PPP4R2: variants seen among roughly 807,000 people sequenced by gnomAD.
PPP4R2 encodes the protein protein phosphatase 4 regulatory subunit 2, also known as serine/threonine-protein phosphatase 4 regulatory subunit 2.
Under a neutral mutation model 47.2 loss-of-function variants are expected in PPP4R2, and 13 were observed. The ratio of observed to expected loss-of-function variants is 0.28; its 90% CI spans 0.18 to 0.44. PPP4R2 has a LOEUF of 0.44. Among genes scored for constraint, PPP4R2 ranks in the 20% least tolerant of loss-of-function variants. PPP4R2 has a pLI of 1.00. For synonymous variants in PPP4R2, 151 were observed against 163.3 expected (o/e 0.92, Z 0.57); for missense variants, 421 against 491.2 (o/e 0.86, Z 1.35).
intron 3 of PPP4R2, among the ~76,000 whole-genome samples, chr3:73,049,654 G>A (rs886255184): frequency 5.9e-5 from 9 of 151,696 alleles, no homozygotes; most frequent in Admixed American, 1.3e-4. Context: ...CTGCTGCTTT[G>A]TAAGCATATT....
intron 2 of PPP4R2, among the ~76,000 whole-genome samples, chr3:73,008,966 A>G (rs1328426917): frequency 1.3e-5 from 2 of 152,212 alleles, no homozygotes; most frequent in Admixed American, 6.5e-5. Flanking sequence ...AAGTAGGTCT[A>G]TTTAAAGGGA....
chr3:73,045,114 C>G (rs965108836), intron 2 of PPP4R2, among the ~76,000 whole-genome samples: 6 of 152,114 alleles, frequency 3.9e-5, no homozygotes, highest in Admixed American at 3.9e-4. Flanking sequence ...TTGCCTCGGC[C>G]TCTTGAGTAG....
At chr3:73,053,499 C>G (rs952866780) in intron 3 of PPP4R2, among the ~76,000 whole-genome samples, 8 of 152,076 alleles carry the variant, frequency 5.3e-5, no homozygotes, top group Non-Finnish European at 1.0e-4. Context: ...TATAGGAACT[C>G]CAAGAGATGA....
chr3:73,036,008 G>C (rs1024024485), intron 2 of PPP4R2, among the ~76,000 whole-genome samples: 1 of 152,126 alleles, frequency 6.6e-6, no homozygotes, highest in Non-Finnish European at 1.5e-5. Context: ...CATGGATAAA[G>C]AAAATGGTGT....
intron 2 of PPP4R2, among the ~76,000 whole-genome samples, chr3:73,023,339 A>G (rs1482889010): frequency 1.3e-5 from 2 of 152,044 alleles, no homozygotes; most frequent in African/African-American, 4.8e-5. Flanking sequence ...GGCATGCGCC[A>G]CCATGCCTGG....
intron 2 of PPP4R2, among the ~76,000 whole-genome samples, chr3:73,037,569 A>G (rs1214370752): frequency 6.6e-6 from 1 of 152,204 alleles, no homozygotes; most frequent in African/African-American, 2.4e-5. Flanking sequence ...CAAATATCCT[A>G]CAGTGCACAC....
At chr3:73,017,433 GC>G (rs1701864758) in intron 2 of PPP4R2, among the ~76,000 whole-genome samples, 1 of 152,164 alleles carries the variant, frequency 6.6e-6, no homozygotes, top group Non-Finnish European at 1.5e-5. Context: ...TTCAGTGACA[GC>G]AGTGCTGACC....
At position 73,044,418 on chromosome 3, in the gene PPP4R2, C is replaced by T. The variant is rs147159601; in HGVS notation, c.117-2768C>T. ...TGGCCAACATGGTGAAACCCCGTCT[C>T]TACTAAAAATACAAAAAGTTAGCTG... On this transcript the variant is annotated intron_variant, in intron 2 of 8. Transcript: ENST00000356692. Among the ~76,000 whole-genome samples, 353 of 152,204 alleles carry T rather than the reference C, an allele frequency of 2.3e-3. 6 individuals carry two copies. The East Asian group carries it at 0.04, about 17-fold the overall frequency.
chr3:73,006,537 A>C (rs564223976), intron 2 of PPP4R2, among the ~76,000 whole-genome samples: 32 of 152,230 alleles, frequency 2.1e-4, no homozygotes, highest in African/African-American at 7.5e-4. Flanking sequence ...GGTTTTGTGA[A>C]GTGTTTTAAG....
intron 2 of PPP4R2, among the ~76,000 whole-genome samples, chr3:73,019,986 T>G (rs761228112): frequency 2.6e-5 from 4 of 152,150 alleles, no homozygotes; most frequent in African/African-American, 7.2e-5. Flanking sequence ...ATAATTTGGT[T>G]GTTTTATCAT....
At chr3:73,042,361 C>CTTTTTTTTTTTTT (rs10709279) in intron 2 of PPP4R2, among the ~76,000 whole-genome samples, 1 of 75,930 alleles carries the variant, frequency 1.3e-5, no homozygotes, top group Non-Finnish European at 2.6e-5. Context: ...AATATAATTT[C>CTTTTTTTTTTTTT]TTTTTTTTTT....
intron 3 of PPP4R2, 42 bp from the exon 4 acceptor site, chr3:73,058,991 CTTGA>C (rs1342938825): frequency 5.2e-6 from 6 of 1,150,976 alleles, no homozygotes; most frequent in East Asian, 4.8e-5. Flanking sequence ...TCCTCGTTTT[CTTGA>C]TTATCAGTGA....
chr3:73,034,541 T>G, intron 2 of PPP4R2, among the ~76,000 whole-genome samples: 1 of 152,184 alleles, frequency 6.6e-6, no homozygotes, highest in East Asian at 1.9e-4. Context: ...GCTATAGTTT[T>G]GTTTTGTTTT....
At chr3:73,037,368 T>A (rs1702283909) in intron 2 of PPP4R2, among the ~76,000 whole-genome samples, 1 of 152,246 alleles carries the variant, frequency 6.6e-6, no homozygotes, top group South Asian at 2.1e-4. Context: ...TTTGTGACTT[T>A]GATCTTGGCA....
chr3:73,033,492 T>C lies in PPP4R2; in HGVS notation c.117-13694T>C, dbSNP rs555510383. Among the ~76,000 whole-genome samples the C allele has an allele frequency of 2.3e-3, 356 of 152,322 alleles. 1 individual carries two copies. The highest frequency in any genetic ancestry group is 4.0e-3 in the Non-Finnish European group (272 of 68,010). On this transcript the variant is annotated intron_variant, in intron 2 of 8. Coordinates refer to ENST00000356692, the MANE Select transcript of PPP4R2 (RefSeq NM_174907.4). ...AATTTGAAAACTAGTATTTTTTAATTCTGGGAATTATTTATGGATTGCTTG... is the reference window on the plus strand; with the variant it reads ...AATTTGAAAACTAGTATTTTTTAATCCTGGGAATTATTTATGGATTGCTTG...
At chr3:73,060,737 T>C (rs1366693697) in intron 4 of PPP4R2, among the ~76,000 whole-genome samples, 1 of 152,176 alleles carries the variant, frequency 6.6e-6, no homozygotes, top group African/African-American at 2.4e-5. Context: ...GTTACTCTAC[T>C]ACGTATAGTG....
At chr3:73,040,398 T>A (rs2107296103) in intron 2 of PPP4R2, among the ~76,000 whole-genome samples, 1 of 152,316 alleles carries the variant, frequency 6.6e-6, no homozygotes, top group Admixed American at 6.5e-5. Flanking sequence ...TACAGAAATC[T>A]ATCCTCAGGT....
In PPP4R2 at chr3:73,066,695, A is replaced by C. The variant is rs1703003363; in HGVS notation, c.*973A>C. On this transcript the variant is annotated 3_prime_UTR_variant, in exon 9 of 9. Coordinates refer to ENST00000356692, the MANE Select transcript of PPP4R2 (RefSeq NM_174907.4). The stretch of plus-strand genomic sequence containing the variant: ...TTGTGAATATTACACATGTCTTTCT[A>C]AATTATTCTAGGGTATGCAAATGTC... The C allele has an allele frequency of 6.6e-6, 1 of 152,064 alleles. No individual in the cohort carries two copies. The highest frequency in any genetic ancestry group is 2.1e-4 in the South Asian group (1 of 4,830). The allele number at this position is 152,064 out of a possible 1,614,324, so 9.4% of individuals were successfully genotyped here.
intron 2 of PPP4R2, among the ~76,000 whole-genome samples, chr3:73,018,503 G>T (rs1701896895): frequency 1.0e-5 from 1 of 100,392 alleles, no homozygotes; most frequent in Admixed American, 9.5e-5. Context: ...GCCCAGGCTG[G>T]AGTGCAGTGA....
Sources: allele counts gnomAD v4.1 joint callset (sites outside exome capture counted in the v4.1 genomes callset), GRCh38; gene constraint gnomAD v4.1.1; transcripts MANE v1.5; gene names NCBI Gene and HGNC (gene_info 2026-07-23, HGNC 2026-07-21).